Variants in PDE1A observed in about 807,000 individuals in gnomAD.
PDE1A encodes dual specificity calcium/calmodulin-dependent 3',5'-cyclic nucleotide phosphodiesterase 1A.
In PDE1A, 35 loss-of-function variants were observed where a neutral mutation model predicts 61.7. That is an observed-to-expected ratio of 0.57 (90% CI 0.43 to 0.75). The LOEUF (loss-of-function observed/expected upper bound fraction) is 0.75, where lower values mean the gene tolerates loss of function less well. Ranked by LOEUF, PDE1A falls within the 30% of genes least tolerant of loss-of-function variation. The pLI is 0.00. For missense variants in PDE1A, 597 were observed against 630.6 expected (o/e 0.95, Z 0.57); for synonymous variants, 232 against 213.2 (o/e 1.09, Z -0.77).
the PDE1A span, among the ~76,000 whole-genome samples, chr2:182,597,445 C>G: frequency 6.6e-6 from 1 of 152,056 alleles, no homozygotes. Flanking sequence ...AACAGAGAAG[C>G]CAGCGCTTGC....
chr2:182,672,176 T>G, the PDE1A span, among the ~76,000 whole-genome samples: 1 of 152,326 alleles, frequency 6.6e-6, no homozygotes, highest in East Asian at 1.9e-4. Context: ...TACTGGCTAG[T>G]TAAACACTTG....
intron 1 of PDE1A, among the ~76,000 whole-genome samples, chr2:182,421,101 G>A (rs1052390943): frequency 6.6e-6 from 1 of 151,954 alleles, no homozygotes; most frequent in Admixed American, 6.6e-5. Flanking sequence ...TCTTTTCATT[G>A]CTTTTTACCT....
chr2:182,487,756 T>C (rs1688109296), intron 2 of PDE1A, among the ~76,000 whole-genome samples: 1 of 152,298 alleles, frequency 6.6e-6, no homozygotes, highest in African/African-American at 2.4e-5. Context: ...CACTGAATCA[T>C]ATATTTAAAA....
At chr2:182,534,219 A>G in the PDE1A span, among the ~76,000 whole-genome samples, 1 of 152,026 alleles carries the variant, frequency 6.6e-6, no homozygotes, top group Non-Finnish European at 1.5e-5. Context: ...ATGGCTGCAT[A>G]GTATACCATC....
chr2:182,594,225 C>G, the PDE1A span, among the ~76,000 whole-genome samples: 1 of 152,080 alleles, frequency 6.6e-6, no homozygotes, highest in Non-Finnish European at 1.5e-5. Flanking sequence ...TTAAATATAA[C>G]CCAAATGATT....
intron 13 of PDE1A, among the ~76,000 whole-genome samples, chr2:182,160,924 A>T (rs1024173654): frequency 1.1e-4 from 17 of 152,176 alleles, no homozygotes; most frequent in African/African-American, 3.9e-4. Flanking sequence ...TTATAATCTG[A>T]TTAAACCTAA....
intron 1 of PDE1A, among the ~76,000 whole-genome samples, chr2:182,418,805 G>T (rs1703084838): frequency 6.6e-6 from 1 of 152,006 alleles, no homozygotes; most frequent in Non-Finnish European, 1.5e-5. Context: ...GAAAAAGTTT[G>T]TGAGTTTCCT....
At chr2:182,561,316 C>A in the PDE1A span, among the ~76,000 whole-genome samples, 1 of 152,080 alleles carries the variant, frequency 6.6e-6, no homozygotes, top group Admixed American at 6.5e-5. Context: ...ATAGGGAATC[C>A]TTTCCCCATT....
rs558327016 is a variant in PDE1A, at chr2:182,266,359, G to C, written c.54-1945C>G. Among the ~76,000 whole-genome samples the C allele has an allele frequency of 2.6e-5, 4 of 152,192 alleles. No homozygotes were observed. In the East Asian group the frequency reaches 7.7e-4, roughly 29 times the overall value. ...AGAGGGTTTTGAGATTTTTGTAATG[G>C]TTATGACCCAAGAACATTATTCTTA... On this transcript the variant is annotated intron_variant, in intron 1 of 13. Transcript: ENST00000351439.
chr2:182,145,836 A>C (rs1222278937), downstream of PDE1A, among the ~76,000 whole-genome samples: 1 of 152,252 alleles, frequency 6.6e-6, no homozygotes. Flanking sequence ...TATGAATAAA[A>C]GACAGTCTAA....
upstream of PDE1A, among the ~76,000 whole-genome samples, chr2:182,524,126 G>A (rs2125995040): frequency 6.6e-6 from 1 of 152,220 alleles, no homozygotes. Context: ...TCTTTGCCCT[G>A]AAAGTACCAA....
intron 2 of PDE1A, among the ~76,000 whole-genome samples, chr2:182,455,252 A>G (rs1400925303): frequency 6.6e-6 from 1 of 152,178 alleles, no homozygotes; most frequent in East Asian, 1.9e-4. Context: ...AGAAGTCAGG[A>G]AACAACAGGT....
chr2:182,553,114 C>T, the PDE1A span, among the ~76,000 whole-genome samples: 7 of 152,212 alleles, frequency 4.6e-5, no homozygotes, highest in African/African-American at 4.8e-5. Context: ...GGTTCTCTTC[C>T]GTGACCCACG....
chr2:182,687,334 A>T, the PDE1A span, among the ~76,000 whole-genome samples: 1 of 152,130 alleles, frequency 6.6e-6, no homozygotes, highest in East Asian at 1.9e-4. Flanking sequence ...CTGAGATGAA[A>T]CTTCCAGAGG....
chr2:182,646,562 G>A, the PDE1A span, among the ~76,000 whole-genome samples: 1 of 151,958 alleles, frequency 6.6e-6, no homozygotes, highest in African/African-American at 2.4e-5. Context: ...GCAGGCGCCT[G>A]TAATCCCAGC....
At position 182,371,733 on chromosome 2, in the gene PDE1A, T is replaced by C. The variant is rs976311212; in HGVS notation, c.53+54845A>G. Among the ~76,000 whole-genome samples, 110 of 152,234 alleles carry C rather than the reference T, an allele frequency of 7.2e-4. 1 individual carries two copies. Among genetic ancestry groups the C allele is most frequent in the African/African-American group, 2.5e-3 (105 of 41,536 alleles). On this transcript the variant is annotated intron_variant, in intron 1 of 13. Coordinates refer to ENST00000351439, the Ensembl canonical transcript of PDE1A. ...TTGCCTCATTAAAAATCATGCATGA[T>C]TATCTTACTTTTATGATAAATGTTA...
chr2:182,349,900 A>AT (rs563939360), intron 1 of PDE1A, among the ~76,000 whole-genome samples: 23 of 152,100 alleles, frequency 1.5e-4, no homozygotes, highest in East Asian at 9.7e-4. Context: ...TTACTACTGT[A>AT]TTTTTTTTAA....
At chr2:182,390,628 G>A (rs1245556112) in intron 1 of PDE1A, among the ~76,000 whole-genome samples, 2 of 152,174 alleles carry the variant, frequency 1.3e-5, no homozygotes, top group Non-Finnish European at 2.9e-5. Flanking sequence ...GGCTGACATT[G>A]TGGAAAATCA....
intron 1 of PDE1A, among the ~76,000 whole-genome samples, chr2:182,292,856 C>A (rs1462125787): frequency 6.6e-6 from 1 of 151,852 alleles, no homozygotes; most frequent in Non-Finnish European, 1.5e-5. Flanking sequence ...TATAGCATAG[C>A]TTTTTGTTAT....
Sources: allele counts gnomAD v4.1 joint callset (sites outside exome capture counted in the v4.1 genomes callset), GRCh38; gene constraint gnomAD v4.1.1; transcripts MANE v1.5; gene names NCBI Gene and HGNC (gene_info 2026-07-23, HGNC 2026-07-21).